The following MARCHF10 variants were observed in gnomAD, a reference collection of about 807,000 sequenced individuals.
MARCHF10 encodes membrane associated ring-CH-type finger 10.
In MARCHF10, 64 loss-of-function variants were observed where a neutral mutation model predicts 76.2. The observed-to-expected ratio is 0.84, with a 90% CI of 0.69 to 1.03. The LOEUF is 1.03. Among genes scored for constraint, MARCHF10 ranks in the 50% least tolerant of loss-of-function variants. The pLI is 0.00. For synonymous variants in MARCHF10, 340 were observed against 357.5 expected (o/e 0.95, Z 0.55); for missense variants, 875 against 958.0 (o/e 0.91, Z 1.14).
intron 3 of MARCHF10, among the ~76,000 whole-genome samples, chr17:62,766,891 C>G (rs1278148701): frequency 6.6e-6 from 1 of 152,164 alleles, no homozygotes; most frequent in East Asian, 1.9e-4. Flanking sequence ...AATGTTTAAT[C>G]AAGGGATACG....
chr17:62,779,440 G>A (rs2092615441), intron 3 of MARCHF10, among the ~76,000 whole-genome samples: 1 of 152,200 alleles, frequency 6.6e-6, no homozygotes, highest in African/African-American at 2.4e-5. Context: ...AGATTAATGG[G>A]AGGATGTCTC....
At position 62,736,581 on chromosome 17, in the gene MARCHF10, A is replaced by G. The variant is rs1599154254; in HGVS notation, c.1287T>C (p.His429=). ...NVWSDCISVE[H]RPGTHDSEGY... is the part of the protein sequence containing the mutation. The stretch of plus-strand genomic sequence containing the variant: ...CTTCAGAATCATGGGTGCCAGGCCT[A>G]TGTTCCACAGAAATACAATCACTCC... Residue 429 remains histidine, a synonymous_variant, in exon 6 of 11, where the codon CAT becomes CAC. Transcript: ENST00000311269. The G allele has an allele frequency of 2.5e-6, 4 of 1,614,076 alleles. No homozygotes were observed. The highest frequency in any genetic ancestry group is 3.4e-6 in the Non-Finnish European group (4 of 1,180,030).
chr17:62,788,690 T>C, intron 2 of MARCHF10, 91 bp from the exon 3 acceptor site: 3 of 1,504,532 alleles, frequency 2.0e-6, no homozygotes, highest in Non-Finnish European at 2.7e-6. Context: ...GAGCATGAAA[T>C]AAATGATATG....
At chr17:62,730,069 C>CACTT (rs1555692448) in intron 6 of MARCHF10, among the ~76,000 whole-genome samples, 1 of 151,478 alleles carries the variant, frequency 6.6e-6, no homozygotes, top group South Asian at 2.1e-4. Context: ...GTAATCCCAG[C>CACTT]TACTCAGGAG....
chr17:62,703,074 G>A (rs2089344932), intron 10 of MARCHF10, among the ~76,000 whole-genome samples: 1 of 152,188 alleles, frequency 6.6e-6, no homozygotes, highest in Admixed American at 6.5e-5. Context: ...CTGGTTCCTG[G>A]GCACACCCAG....
intron 8 of MARCHF10, among the ~76,000 whole-genome samples, chr17:62,718,068 A>G (rs2090308124): frequency 6.6e-6 from 1 of 152,074 alleles, no homozygotes; most frequent in African/African-American, 2.4e-5. Context: ...GTAATCTGAC[A>G]GTTCTCATGC....
chr17:62,755,883 G>A (rs2092024934), intron 4 of MARCHF10, among the ~76,000 whole-genome samples: 1 of 152,188 alleles, frequency 6.6e-6, no homozygotes, highest in South Asian at 2.1e-4. Context: ...GGAGGCCAAG[G>A]CGGGAGGATC....
chr17:62,793,508 T>C (rs1284956066), intron 2 of MARCHF10, among the ~76,000 whole-genome samples: 62 of 37,224 alleles, frequency 1.7e-3, no homozygotes, highest in East Asian at 4.0e-3. Context: ...ACCACCTCCA[T>C]CACCACCACC....
At chr17:62,783,848 C>G (rs1434448163) in intron 3 of MARCHF10, among the ~76,000 whole-genome samples, 1 of 152,090 alleles carries the variant, frequency 6.6e-6, no homozygotes, top group Non-Finnish European at 1.5e-5. Flanking sequence ...TCTGAATAGA[C>G]CAATAACAGG....
rs1284169943 is a variant in MARCHF10, at chr17:62,736,232, C to T, written c.1636G>A (p.Asp546Asn). ...TGAGGCTGGCTTGTTAAAGTAGTATCTTCTGCTTCCCTGACAGCAAATTCG... is the reference window on the plus strand; with the variant it reads ...TGAGGCTGGCTTGTTAAAGTAGTATTTTCTGCTTCCCTGACAGCAAATTCG... The part of the protein sequence containing the change: ...AHEFAVREAE[D>N]TTLTSQPQGA... The change falls in exon 6 of 11, where the codon GAT (aspartate) becomes AAT (asparagine). Residue 546 changes from aspartate to asparagine, a missense_variant. By Grantham distance (23) the Asp-to-Asn change is conservative. Transcript: ENST00000311269. The T allele has an allele frequency of 1.9e-6, 3 of 1,614,198 alleles. No homozygotes were observed. Among genetic ancestry groups the T allele is most frequent in the African/African-American group, 1.3e-5 (1 of 75,044 alleles).
intron 3 of MARCHF10, among the ~76,000 whole-genome samples, chr17:62,773,186 T>C (rs2092479631): frequency 6.6e-6 from 1 of 152,016 alleles, no homozygotes; most frequent in Non-Finnish European, 1.5e-5. Flanking sequence ...AAGTGGAGAA[T>C]GAGAAACCGC....
Position 62,737,348 on chromosome 17 carries a change from A to T in MARCHF10, c.536-16T>A. 9 of 1,597,168 alleles carry T rather than the reference A, an allele frequency of 5.6e-6. No homozygotes were observed. Among genetic ancestry groups the T allele is most frequent in the Non-Finnish European group, 7.7e-6 (9 of 1,176,348 alleles). On this transcript the variant is annotated splice_polypyrimidine_tract_variant and intron_variant, in intron 5 of 10. Transcript: ENST00000311269. ...ACTACTTGATCTGCATTGAGAAAAG[A>T]CACATTTATCGTTCCAGTAAAAGGG... is the stretch of plus-strand genomic sequence containing the variant.
At chr17:62,771,828 C>T (rs756459598) in intron 3 of MARCHF10, among the ~76,000 whole-genome samples, 7 of 152,260 alleles carry the variant, frequency 4.6e-5, no homozygotes, top group African/African-American at 7.2e-5. Context: ...CTGCCAGCCT[C>T]GGCCTCCCAA....
chr17:62,807,783 T>C (rs2093185129), intron 1 of MARCHF10, among the ~76,000 whole-genome samples: 1 of 152,034 alleles, frequency 6.6e-6, no homozygotes, highest in Non-Finnish European at 1.5e-5. Flanking sequence ...AAAATCAATA[T>C]CGACCATTTC....
In MARCHF10 at chr17:62,701,520, C is replaced by A. The variant is rs1240592510; in HGVS notation, c.*183G>T. The A allele has an allele frequency of 1.5e-6, 2 of 1,372,068 alleles. No homozygotes were observed. Among genetic ancestry groups the A allele is most frequent in the Non-Finnish European group, 2.0e-6 (2 of 1,018,612 alleles). 85.0% of individuals were successfully genotyped at this position (1,372,068 alleles called of 1,614,324 possible). On this transcript the variant is annotated 3_prime_UTR_variant, in exon 11 of 11. Transcript: ENST00000311269. Reference sequence around the variant, plus strand: ...CTGTGCTGTCTGGGACTAGACTGGTCGCTGTGGCTGCCCATAGATGCTCAA... The same window carrying A: ...CTGTGCTGTCTGGGACTAGACTGGTAGCTGTGGCTGCCCATAGATGCTCAA...
chr17:62,769,467 A>C (rs1054368316), intron 3 of MARCHF10, among the ~76,000 whole-genome samples: 1 of 152,052 alleles, frequency 6.6e-6, no homozygotes, highest in African/African-American at 2.4e-5. Context: ...ACCTAGGCTG[A>C]AGTGCAGTGG....
chr17:62,701,788 A>G, intron 10 of MARCHF10, 30 bp from the exon 11 acceptor site: 1 of 1,613,676 alleles, frequency 6.2e-7, no homozygotes, highest in Non-Finnish European at 8.5e-7. Context: ...TTCAGGCTGG[A>G]GGGCCGCAGC....
At chr17:62,718,649 T>C (rs995832356) in intron 8 of MARCHF10, among the ~76,000 whole-genome samples, 1 of 152,198 alleles carries the variant, frequency 6.6e-6, no homozygotes, top group South Asian at 2.1e-4. Flanking sequence ...GACTGGCACC[T>C]GACCTCAGGC....
At chr17:62,722,665 G>A in intron 7 of MARCHF10, 68 bp from the exon 8 acceptor site, 1 of 1,331,924 alleles carries the variant, frequency 7.5e-7, no homozygotes, top group Non-Finnish European at 1.0e-6. Context: ...CTTTGGACAG[G>A]TGATATTTGG....
Sources: gnomAD v4.1 joint callset for allele counts (sites outside exome capture counted in the v4.1 genomes callset) on GRCh38, gnomAD v4.1.1 for gene constraint, MANE v1.5 for transcripts, NCBI Gene and HGNC (gene_info 2026-07-23, HGNC 2026-07-21) for gene names.